The following CALN1 variants were observed in gnomAD, a reference collection of about 807,000 sequenced individuals.
CALN1 encodes calneuron 1.
Under a neutral mutation model 30.6 loss-of-function variants are expected in CALN1, and 17 were observed. That is an observed-to-expected ratio of 0.56 (90% CI 0.38 to 0.83). The LOEUF is 0.83. Ranked by LOEUF, CALN1 falls within the 40% of genes least tolerant of loss-of-function variation. The pLI, the probability that CALN1 is intolerant of heterozygous loss-of-function variation, is 0.00. For missense variants in CALN1, 291 were observed against 354.9 expected, an observed-to-expected ratio of 0.82 and a Z score of 1.45; for synonymous variants, 156 against 131.4, an observed-to-expected ratio of 1.19 and a Z score of -1.28.
chr7:72,377,501 ATGC>A (rs1435752644), intron 2 of CALN1, among the ~76,000 whole-genome samples: 1 of 146,652 alleles, frequency 6.8e-6, no homozygotes, highest in South Asian at 2.2e-4. Context: ...TTTTTATTGA[ATGC>A]TGAACATTTT....
chr7:72,180,610 T>TC (rs1350403702), intron 3 of CALN1, among the ~76,000 whole-genome samples: 2 of 147,096 alleles, frequency 1.4e-5, no homozygotes, highest in East Asian at 2.0e-4. Flanking sequence ...TTTTTTTCTT[T>TC]TTTTTTTTTT....
At chr7:72,337,852 C>A (rs986023343) in intron 2 of CALN1, 1 of 152,350 alleles carries the variant, frequency 6.6e-6, no homozygotes, top group Non-Finnish European at 1.5e-5. Flanking sequence ...TAGAATGGAT[C>A]CGATGGGAAG....
intron 1 of CALN1, among the ~76,000 whole-genome samples, chr7:72,406,181 A>C (rs536903470): frequency 6.6e-6 from 1 of 152,284 alleles, no homozygotes; most frequent in African/African-American, 2.4e-5. Context: ...CCCCTCTCCC[A>C]GTCACAGCTG....
intron 2 of CALN1, among the ~76,000 whole-genome samples, chr7:72,329,223 A>C (rs957389200): frequency 2.0e-5 from 3 of 152,212 alleles, no homozygotes; most frequent in African/African-American, 7.2e-5. Context: ...AGAAATCACC[A>C]AATTAAGGTC....
upstream of CALN1, among the ~76,000 whole-genome samples, chr7:72,447,554 T>C (rs544106671): frequency 6.6e-6 from 1 of 152,262 alleles, no homozygotes; most frequent in African/African-American, 2.4e-5. Flanking sequence ...CACGGGACAC[T>C]GCCTGGGGAA....
the CALN1 span, among the ~76,000 whole-genome samples, chr7:72,470,486 C>G: frequency 6.6e-6 from 1 of 152,134 alleles, no homozygotes; most frequent in African/African-American, 2.4e-5. Flanking sequence ...ATTATCCTGA[C>G]TACTCCAAGA....
chr7:72,305,025 A>G (rs1024009780), intron 2 of CALN1, among the ~76,000 whole-genome samples: 2 of 152,224 alleles, frequency 1.3e-5, no homozygotes, highest in African/African-American at 4.8e-5. Context: ...GGCCACGGCT[A>G]CAGTGACCTG....
intron 5 of CALN1, among the ~76,000 whole-genome samples, chr7:71,832,745 C>T (rs535213099): frequency 6.6e-6 from 1 of 152,138 alleles, no homozygotes; most frequent in African/African-American, 2.4e-5. Flanking sequence ...AGATTACAGG[C>T]CTGCACTATC....
At chr7:72,257,244 A>ATT (rs1373723895) in intron 3 of CALN1, among the ~76,000 whole-genome samples, 3 of 152,142 alleles carry the variant, frequency 2.0e-5, no homozygotes, top group African/African-American at 7.2e-5. Context: ...ACCTTCCACC[A>ATT]GGTCCCTCAC....
chr7:71,923,619 A>T (rs971141146), intron 5 of CALN1, among the ~76,000 whole-genome samples: 9 of 152,084 alleles, frequency 5.9e-5, no homozygotes, highest in Non-Finnish European at 2.9e-5. Flanking sequence ...GAGCTAGTTT[A>T]TTGTTTTTCC....
Position 72,298,455 on chromosome 7 carries a change from T to G in CALN1, c.120-19645A>C, listed in dbSNP as rs1225828227. Among the ~76,000 whole-genome samples, 3 of 152,210 alleles carry G rather than the reference T, an allele frequency of 2.0e-5. No individual in the cohort carries two copies. The South Asian group carries it at 6.2e-4, about 32-fold the overall frequency. ...CAATCTGATGAACTCCTCAGTGCTCTAACTCATAGAGTAACTAATGAAGGG... is the reference window on the plus strand; with the variant it reads ...CAATCTGATGAACTCCTCAGTGCTCGAACTCATAGAGTAACTAATGAAGGG... On this transcript the variant is annotated intron_variant, in intron 2 of 6. Coordinates refer to ENST00000395275, the MANE Select transcript of CALN1 (RefSeq NM_031468.4).
At chr7:72,394,655 C>G (rs1157903981) in intron 2 of CALN1, among the ~76,000 whole-genome samples, 1 of 119,662 alleles carries the variant, frequency 8.4e-6, no homozygotes, top group Non-Finnish European at 1.6e-5. Flanking sequence ...TTCAGGGGTA[C>G]CATTGACTTT....
intron 2 of CALN1, among the ~76,000 whole-genome samples, chr7:72,391,704 G>A (rs895104914): frequency 6.6e-6 from 1 of 152,026 alleles, no homozygotes; most frequent in African/African-American, 2.4e-5. Context: ...CCCTGCACAA[G>A]TTTTTTTGTT....
chr7:72,268,818 C>CAG (rs1298391360), intron 3 of CALN1, among the ~76,000 whole-genome samples: 2 of 151,976 alleles, frequency 1.3e-5, no homozygotes, highest in African/African-American at 4.8e-5. Flanking sequence ...CACACACACA[C>CAG]ACACACACAG....
intron 5 of CALN1, among the ~76,000 whole-genome samples, chr7:71,822,229 T>C (rs1333282962): frequency 6.9e-6 from 1 of 145,214 alleles, no homozygotes; most frequent in Non-Finnish European, 1.5e-5. Flanking sequence ...TATTTGGCTG[T>C]ACTGTTGTTA....
At chr7:71,792,301 G>A (rs1035113656) in intron 6 of CALN1, among the ~76,000 whole-genome samples, 1 of 152,138 alleles carries the variant, frequency 6.6e-6, no homozygotes, top group African/African-American at 2.4e-5. Context: ...ACCCCAGTGA[G>A]CCAGCCGCAA....
At chr7:71,934,687 AC>A (rs1175510192) in intron 5 of CALN1, among the ~76,000 whole-genome samples, 3 of 151,616 alleles carry the variant, frequency 2.0e-5, no homozygotes, top group African/African-American at 7.3e-5. Context: ...ACCAGGCCCC[AC>A]CTCCAACACT....
chr7:72,258,110 C>T (rs13231507), intron 3 of CALN1, among the ~76,000 whole-genome samples: 54,296 of 151,774 alleles, frequency 0.36, 10,654 homozygotes, highest in Middle Eastern at 0.55. Flanking sequence ...TCAAAAACTA[C>T]TGAAATGAAT....
At chr7:72,134,269 G>A (rs914977625) in intron 3 of CALN1, among the ~76,000 whole-genome samples, 1 of 152,124 alleles carries the variant, frequency 6.6e-6, no homozygotes, top group Non-Finnish European at 1.5e-5. Flanking sequence ...CCAGAATTGT[G>A]GGAAATAAAT....
Sources: gnomAD v4.1 joint callset for allele counts (sites outside exome capture counted in the v4.1 genomes callset) on GRCh38, gnomAD v4.1.1 for gene constraint, MANE v1.5 for transcripts, NCBI Gene and HGNC (gene_info 2026-07-23, HGNC 2026-07-21) for gene names.